Variants in MPPED2 observed in about 807,000 individuals in gnomAD.
MPPED2 encodes metallophosphoesterase MPPED2.
In MPPED2, 5 loss-of-function variants were observed where a neutral mutation model predicts 33.0. The observed-to-expected ratio is 0.15, with a 90% CI of 0.08 to 0.32. MPPED2 has a LOEUF of 0.32. MPPED2 is among the 10% of genes least tolerant of loss of function. The pLI is 1.00. For missense variants in MPPED2, 275 were observed against 372.1 expected, an observed-to-expected ratio of 0.74 and a Z score of 2.15; for synonymous variants, 136 against 141.9, an observed-to-expected ratio of 0.96 and a Z score of 0.29.
chr11:30,437,299 C>G (rs1477414616), intron 4 of MPPED2, among the ~76,000 whole-genome samples: 2 of 152,154 alleles, frequency 1.3e-5, no homozygotes, highest in Non-Finnish European at 2.9e-5. Flanking sequence ...TTCTATGATT[C>G]TATTAAACAG....
At chr11:30,412,254 GC>G (rs1324931667) in intron 6 of MPPED2, among the ~76,000 whole-genome samples, 2 of 149,138 alleles carry the variant, frequency 1.3e-5, no homozygotes. Flanking sequence ...ACTAGATCAA[GC>G]AAAAACACTT....
chr11:30,543,758 G>T (rs1955257419), intron 2 of MPPED2, among the ~76,000 whole-genome samples: 1 of 147,220 alleles, frequency 6.8e-6, no homozygotes, highest in African/African-American at 2.5e-5. Flanking sequence ...CAGAATATGT[G>T]ATTGAACTAA....
At position 30,509,485 on chromosome 11, in the gene MPPED2, C is replaced by T. The variant is rs534720005; in HGVS notation, c.311-13964G>A. ...GTGCCTGTATTTCTTCATTGTATCC[C>T]TTCATCTGAAAGTTTTCACCCCTAG... On this transcript the variant is annotated intron_variant, in intron 3 of 6. Transcript: ENST00000358117. 1.4e-4 allele frequency among the ~76,000 whole-genome samples: 22 copies of T among 152,234 alleles called. No homozygotes were observed. The East Asian group carries it at 3.9e-3, about 27-fold the overall frequency.
intron 4 of MPPED2, among the ~76,000 whole-genome samples, chr11:30,488,559 G>T (rs1198310113): frequency 6.6e-6 from 1 of 152,232 alleles, no homozygotes; most frequent in Non-Finnish European, 1.5e-5. Flanking sequence ...TTTGGAAATG[G>T]TATTTACTGA....
At chr11:30,576,656 C>T (rs1442625320) in intron 2 of MPPED2, among the ~76,000 whole-genome samples, 1 of 152,050 alleles carries the variant, frequency 6.6e-6, no homozygotes, top group Non-Finnish European at 1.5e-5. Context: ...CTCCTCCCAC[C>T]ATCATTAAAA....
intron 6 of MPPED2, among the ~76,000 whole-genome samples, chr11:30,396,349 T>G (rs532693976): frequency 1.1e-4 from 17 of 152,308 alleles, no homozygotes; most frequent in African/African-American, 3.6e-4. Context: ...CTTTAGCAGC[T>G]GCCTGTATAT....
At chr11:30,474,050 C>G (rs79726308) in intron 4 of MPPED2, among the ~76,000 whole-genome samples, 3,585 of 152,316 alleles carry the variant, frequency 0.024, 71 homozygotes, top group Admixed American at 0.058. Context: ...CCCACAGAAG[C>G]TGTAAGATAA....
intron 2 of MPPED2, among the ~76,000 whole-genome samples, chr11:30,560,937 G>T (rs1285212580): frequency 6.6e-6 from 1 of 152,254 alleles, no homozygotes; most frequent in Non-Finnish European, 1.5e-5. Context: ...GTGAACCCTG[G>T]GTTGACCCAA....
At chr11:30,444,811 C>T (rs1044781410) in intron 4 of MPPED2, among the ~76,000 whole-genome samples, 1 of 152,080 alleles carries the variant, frequency 6.6e-6, no homozygotes, top group African/African-American at 2.4e-5. Flanking sequence ...CTGATGGTAG[C>T]ATTATTATCT....
At chr11:30,481,347 T>C (rs889247977) in intron 4 of MPPED2, among the ~76,000 whole-genome samples, 1 of 152,142 alleles carries the variant, frequency 6.6e-6, no homozygotes, top group African/African-American at 2.4e-5. Flanking sequence ...ATTTTCCTGT[T>C]GTCTTTTCAA....
intron 2 of MPPED2, among the ~76,000 whole-genome samples, chr11:30,561,330 A>G (rs951624911): frequency 2.0e-5 from 3 of 152,310 alleles, no homozygotes; most frequent in African/African-American, 7.2e-5. Context: ...ACCAAAAACT[A>G]GAGCTTTTAT....
chr11:30,509,745 T>C (rs1321342718), intron 3 of MPPED2, among the ~76,000 whole-genome samples: 1 of 152,176 alleles, frequency 6.6e-6, no homozygotes, highest in East Asian at 1.9e-4. Flanking sequence ...TATCCTTTAA[T>C]TCCAGGCTTA....
At chr11:30,471,655 C>T (rs893190436) in intron 4 of MPPED2, among the ~76,000 whole-genome samples, 1 of 152,170 alleles carries the variant, frequency 6.6e-6, no homozygotes, top group African/African-American at 2.4e-5. Flanking sequence ...TACTAAGAGG[C>T]TAATAAGGTT....
At chr11:30,504,993 C>T (rs1952754692) in intron 3 of MPPED2, among the ~76,000 whole-genome samples, 1 of 152,124 alleles carries the variant, frequency 6.6e-6, no homozygotes, top group Non-Finnish European at 1.5e-5. Flanking sequence ...TCCTCCGCTT[C>T]AGCCTCCTCC....
intron 1 of MPPED2, among the ~76,000 whole-genome samples, chr11:30,583,600 T>C (rs1957299175): frequency 6.6e-6 from 1 of 152,182 alleles, no homozygotes; most frequent in Non-Finnish European, 1.5e-5. Context: ...CTTTAAGCTG[T>C]ACAACTAGCA....
intron 4 of MPPED2, among the ~76,000 whole-genome samples, chr11:30,485,655 C>T (rs1215650952): frequency 6.6e-6 from 1 of 152,030 alleles, no homozygotes; most frequent in Non-Finnish European, 1.5e-5. Context: ...GGAGGCCCTG[C>T]CAGAAGTTTT....
intron 4 of MPPED2, among the ~76,000 whole-genome samples, chr11:30,418,106 G>GA (rs1948455087): frequency 6.6e-6 from 1 of 152,186 alleles, no homozygotes; most frequent in Admixed American, 6.6e-5. Flanking sequence ...AGTCCTTGGA[G>GA]AAAAGGATGA....
intron 4 of MPPED2, among the ~76,000 whole-genome samples, chr11:30,494,737 CAAAAAAAAA>C (rs767500886): frequency 4.2e-5 from 2 of 47,624 alleles, no homozygotes; most frequent in African/African-American, 7.0e-5. Flanking sequence ...TACTCCACCT[CAAAAAAAAA>C]AAAAAAAAAA....
At position 30,410,326 on chromosome 11, in the gene MPPED2, T is replaced by A. The variant is rs1948057767; in HGVS notation, c.*1142A>T. 2.0e-6 allele frequency: 2 copies of A among 985,154 alleles called. No homozygotes were observed. Among genetic ancestry groups the A allele is most frequent in the South Asian group, 4.7e-5 (1 of 21,274 alleles). The allele number at this position is 985,154 out of a possible 1,614,324, so 61.0% of individuals were successfully genotyped here. A position where few individuals can be genotyped will look rare whatever the true frequency, so the allele number is the denominator to read the frequency against. On this transcript the variant is annotated 3_prime_UTR_variant, in exon 7 of 7. Transcript: ENST00000358117. ...GCTTTCCTAAATTTCATTAACAAAG[T>A]AACATAAAATAGAATAAAGCTCAAC...
Sources: allele counts gnomAD v4.1 joint callset (sites outside exome capture counted in the v4.1 genomes callset), GRCh38; gene constraint gnomAD v4.1.1; transcripts MANE v1.5; gene names NCBI Gene and HGNC (gene_info 2026-07-23, HGNC 2026-07-21).